The following DDX54 variants were observed in gnomAD, a reference collection of about 807,000 sequenced individuals.
The protein encoded by DDX54 is ATP-dependent RNA helicase DDX54.
In DDX54, 67 loss-of-function variants were observed where a neutral mutation model predicts 105.5. The ratio of observed to expected loss-of-function variants is 0.64; its 90% CI spans 0.52 to 0.78. The LOEUF (loss-of-function observed/expected upper bound fraction) is 0.78. DDX54 is among the 30% of genes least tolerant of loss of function. The pLI, the probability that DDX54 is intolerant of heterozygous loss-of-function variation, is 0.00. For synonymous variants in DDX54, 514 were observed against 509.9 expected (o/e 1.01, Z -0.11); for missense variants, 1,206 against 1,230.5 (o/e 0.98, Z 0.30).
rs201522087 is a variant in DDX54, at chr12:113,164,231, C to A, written c.1774G>T (p.Ala592Ser). ...SRDLCSQVMR[A>S]KRQKDRKAIA... ...GCCTTGCGGTCCTTCTGCCGCTTGG[C>A]GCGCATCACCTGGCTGCACAGGTCT... The change falls in exon 15 of 20, where the codon GCC becomes TCC. Residue 592 changes from alanine (A) to serine (S), a missense_variant. Ala to Ser is a moderately conservative substitution (Grantham distance 99). This residue lies in a region of DDX54 where 961 missense variants were observed against 1,019.1 expected (regional missense o/e 0.94). Coordinates refer to ENST00000306014, the MANE Select transcript of DDX54 (RefSeq NM_024072.4). 2 of 1,592,906 alleles carry A rather than the reference C, an allele frequency of 1.3e-6. No individual in the cohort carries two copies. Among genetic ancestry groups the A allele is most frequent in the African/African-American group, 1.3e-5 (1 of 74,684 alleles).
chr12:113,160,359 C>G (rs886231144), intron 19 of DDX54, among the ~76,000 whole-genome samples: 1 of 152,220 alleles, frequency 6.6e-6, no homozygotes, highest in African/African-American at 2.4e-5. Context: ...AGGGAAGACT[C>G]CAGGTGGGAG....
rs764446517 is a variant in DDX54, at chr12:113,174,886, C to T, written c.925G>A (p.Glu309Lys). Residue 309 changes from glutamate to lysine, a missense_variant, in exon 9 of 20, where the codon GAG (glutamate) becomes AAG (lysine). By Grantham distance (56) the Glu-to-Lys change is moderately conservative (BLOSUM62 1). Around this residue, in one of 3 missense-constraint regions of DDX54, gnomAD observed 961 missense variants for 1,019.1 expected, o/e 0.94. Coordinates refer to ENST00000306014, the MANE Select transcript of DDX54 (RefSeq NM_024072.4). ...AGGTGCAGCCTCACCTTCAGCTGCT[C>T]GTTGAGCTTGGTATCCACGTCAAGC... The part of the protein sequence containing the change: ...IRLDVDTKLN[E>K]QLKTSFFLVR... 1.7e-5 allele frequency: 28 copies of T among 1,613,980 alleles called. No individual in the cohort carries two copies. In the South Asian group the frequency reaches 2.5e-4, roughly 15 times the overall value.
chr12:113,174,660 G>C lies in DDX54; in HGVS notation c.1048C>G (p.His350Asp). Residue 350 changes from histidine to aspartate, a missense_variant, in exon 10 of 20, where the codon CAC (histidine) becomes GAC (aspartate). Physicochemically the swap from His to Asp is moderately conservative, Grantham distance 81. Transcript: ENST00000306014. The part of the protein sequence containing the change: ...QTVVFVATKH[H>D]AEYLTELLTT... ...CTCACCTCAGTGAGGTACTCGGCGT[G>C]GTGCTTCGTGGCCACAAACACCACG... 1 of 1,611,264 alleles carries C rather than the reference G, an allele frequency of 6.2e-7. No individual in the cohort carries two copies. The highest frequency in any genetic ancestry group is 8.5e-7 in the Non-Finnish European group (1 of 1,177,642).
rs757356634 is a variant in DDX54 at position 113,177,066 on chromosome 12, G to A, written c.642C>T (p.His214=). 2.3e-5 allele frequency: 37 copies of A among 1,614,002 alleles called. No individual in the cohort carries two copies. Among genetic ancestry groups the A allele is most frequent in the Admixed American group, 1.5e-4 (9 of 59,978 alleles). Residue 214 remains histidine (H), a synonymous_variant, in exon 6 of 20, where the codon CAC becomes CAT. Transcript: ENST00000306014. ...DRMEDQFAAL[H]ENPDIIIATP... is the part of the protein sequence containing the mutation. ...CACAAACTCACATGTCGGGATTTTC[G>A]TGCAGGGCTGCAAACTGGTCTTCCA...
rs114855273 is a variant in DDX54, at chr12:113,159,376, T to C, written c.2414-267A>G. 1.3e-3 allele frequency: 639 copies of C among 478,154 alleles called. 4 individuals are homozygous for C. Among genetic ancestry groups the C allele is most frequent in the African/African-American group, 0.012 (612 of 50,604 alleles). 29.6% of individuals were successfully genotyped at this position (478,154 alleles called of 1,614,324 possible). On this transcript the variant is annotated intron_variant, in intron 19 of 19. Coordinates refer to ENST00000306014, the MANE Select transcript of DDX54 (RefSeq NM_024072.4). ...GAAGTTAACGGCTCTGTGCCTCAGT[T>C]TCCCCATCTATGAATTATAAATCAC...
At chr12:113,177,492 C>T (rs1230747027) in intron 5 of DDX54, 1 of 180,038 alleles carries the variant, frequency 5.6e-6, no homozygotes, top group African/African-American at 2.3e-5. Flanking sequence ...GGGCACAAAT[C>T]CCTAATTTTA....
At position 113,179,330 on chromosome 12, in the gene DDX54, G is replaced by A; in HGVS notation, c.377C>T (p.Thr126Ile). ...YKVPTPIQRK[T>I]IPVILDGKDV... ...CTTGCCATCCAAGATCACCGGGATGGTCTGGAGAGGCACAAGCAGGGAAGT... is the reference window on the plus strand; with the variant it reads ...CTTGCCATCCAAGATCACCGGGATGATCTGGAGAGGCACAAGCAGGGAAGT... The change falls in exon 4 of 20, where the codon ACC (threonine) becomes ATC (isoleucine). Residue 126 changes from threonine (T) to isoleucine (I), a missense_variant and splice_region_variant. Physicochemically the swap from Thr to Ile is moderately conservative, Grantham distance 89. This residue lies in a region of DDX54 where 33 missense variants were observed against 56.0 expected (regional missense o/e 0.59). Transcript: ENST00000306014. The A allele has an allele frequency of 6.2e-7, 1 of 1,612,536 alleles. No individual in the cohort carries two copies. The highest frequency in any genetic ancestry group is 8.5e-7 in the Non-Finnish European group (1 of 1,179,964).
intron 8 of DDX54, 50 bp from the exon 9 acceptor site, chr12:113,174,986 C>T: frequency 6.2e-7 from 1 of 1,610,608 alleles, no homozygotes; most frequent in East Asian, 2.2e-5. Context: ...GACTGGCCCC[C>T]AGGCCCCAGC....
intron 5 of DDX54, 79 bp downstream of exon 5, chr12:113,178,898 T>A (rs1217794368): frequency 6.4e-7 from 1 of 1,558,632 alleles, no homozygotes; most frequent in Non-Finnish European, 8.8e-7. Flanking sequence ...GCAACACAGC[T>A]TAAATCGAAC....
chr12:113,163,250 G>C lies in DDX54; in HGVS notation c.1963C>G (p.Arg655Gly). The change falls in exon 16 of 20, where the codon CGG becomes GGG. Residue 655 changes from arginine to glycine, a missense_variant. By Grantham distance (125) the Arg-to-Gly change is moderately radical. Transcript: ENST00000306014. This position sits in a 1 kb window ranked among gnomAD's most constrained non-coding sequence, Gnocchi z 5.9. ...VEDIFSEVVG[R>G]KRQRSGPNRG... ...TTGGGTCCTGACCGCTGCCGCTTCC[G>C]GCCCACGACCTCTGAGAAAATGTCC... 6.2e-7 allele frequency: 1 copy of C among 1,610,144 alleles called. No individual in the cohort carries two copies. Among genetic ancestry groups the C allele is most frequent in the Non-Finnish European group, 8.5e-7 (1 of 1,179,944 alleles).
Position 113,170,966 on chromosome 12 carries a change from T to C in DDX54, c.1280-1062A>G, listed in dbSNP as rs184693935. Among the ~76,000 whole-genome samples the C allele has an allele frequency of 2.3e-4, 35 of 152,328 alleles. No homozygotes were observed. In the Middle Eastern group the frequency reaches 0.014, roughly 59 times the overall value. Reference sequence around the variant, plus strand: ...TGCATGAAGTACCTAAATCACTACATAGCATTATATTTTGGTTTGTCTCTG... The same window carrying C: ...TGCATGAAGTACCTAAATCACTACACAGCATTATATTTTGGTTTGTCTCTG... On this transcript the variant is annotated intron_variant, in intron 11 of 19. Coordinates refer to ENST00000306014, the MANE Select transcript of DDX54 (RefSeq NM_024072.4).
At chr12:113,159,260 A>C in intron 19 of DDX54, 151 bp from the exon 20 acceptor site, 1 of 842,790 alleles carries the variant, frequency 1.2e-6, no homozygotes, top group Non-Finnish European at 1.8e-6. Context: ...TGGCTAATAA[A>C]GTTTTAGGCA....
intron 4 of DDX54, 45 bp from the exon 5 acceptor site, chr12:113,179,071 GCA>G: frequency 6.2e-7 from 1 of 1,613,470 alleles, no homozygotes; most frequent in Non-Finnish European, 8.5e-7. Flanking sequence ...TGAGATGACA[GCA>G]CACTCGTGGC....
rs1177530419 is a variant in DDX54, at chr12:113,161,974, A to G, written c.2219T>C (p.Val740Ala). 1 of 1,612,974 alleles carries G rather than the reference A, an allele frequency of 6.2e-7. No homozygotes were observed. Among genetic ancestry groups the G allele is most frequent in the Non-Finnish European group, 8.5e-7 (1 of 1,179,834 alleles). ...LKWDRKKKRFVGQSGQEDKKK... is the reference protein window; with the variant it reads ...LKWDRKKKRFAGQSGQEDKKK... Reference sequence around the variant, plus strand: ...CTTGTCTTCCTGTCCTGACTGTCCCACAAACCGCTTCTTCTTACGGTCCCT... The same window carrying G: ...CTTGTCTTCCTGTCCTGACTGTCCCGCAAACCGCTTCTTCTTACGGTCCCT... The change falls in exon 18 of 20, where the codon GTG (valine) becomes GCG (alanine). Residue 740 changes from valine to alanine, a missense_variant. Val to Ala is a moderately conservative substitution (Grantham distance 64, BLOSUM62 0). Around this residue, in one of 3 missense-constraint regions of DDX54, gnomAD observed 961 missense variants for 1,019.1 expected, o/e 0.94. Transcript: ENST00000306014.
chr12:113,165,409 G>A (rs911952023), intron 14 of DDX54, among the ~76,000 whole-genome samples: 2 of 152,190 alleles, frequency 1.3e-5, no homozygotes, highest in Non-Finnish European at 2.9e-5. Context: ...GAGCCAGCAG[G>A]GATGGTTCCA....
chr12:113,184,782 C>G (rs531335508), intron 1 of DDX54, among the ~76,000 whole-genome samples: 2 of 152,284 alleles, frequency 1.3e-5, no homozygotes, highest in East Asian at 3.9e-4. Context: ...GGCGTGGCTA[C>G]ACAACTGCAC....
At chr12:113,159,885 A>C (rs975358300) in intron 19 of DDX54, among the ~76,000 whole-genome samples, 1 of 152,074 alleles carries the variant, frequency 6.6e-6, no homozygotes, top group Non-Finnish European at 1.5e-5. Flanking sequence ...CCCATTCATA[A>C]CAGCAGCCTC....
At chr12:113,181,711 C>A (rs1245779202) in intron 1 of DDX54, among the ~76,000 whole-genome samples, 1 of 151,294 alleles carries the variant, frequency 6.6e-6, no homozygotes, top group East Asian at 1.9e-4. Flanking sequence ...CAGCCGCCAA[C>A]CAATCTCCTT....
In DDX54 at chr12:113,181,042, G is replaced by T. The variant is rs1566101295; in HGVS notation, c.191C>A (p.Pro64His). ...TTCCGAGGTGGGGAAGGTGGGCAGG[G>T]GTCTTCCAGGTCCCAGCTGGGAGGG... ...ARARKLGPGR[P>H]LPTFPTSECT... is the part of the protein sequence containing the mutation. Residue 64 changes from proline to histidine, a missense_variant, in exon 2 of 20, where the codon CCC becomes CAC. Physicochemically the swap from Pro to His is moderately conservative, Grantham distance 77. Transcript: ENST00000306014. 1.2e-6 allele frequency: 2 copies of T among 1,612,320 alleles called. No individual in the cohort carries two copies. Among genetic ancestry groups the T allele is most frequent in the Non-Finnish European group, 1.7e-6 (2 of 1,179,308 alleles).
Sources: allele counts gnomAD v4.1 joint callset (sites outside exome capture counted in the v4.1 genomes callset), GRCh38; gene constraint gnomAD v4.1.1; regional missense constraint gnomAD v4.1.1; non-coding constraint Gnocchi (gnomAD v3.1); transcripts MANE v1.5; gene names NCBI Gene and HGNC (gene_info 2026-07-23, HGNC 2026-07-21).